The following EBF1 variants were observed in gnomAD, a reference collection of about 807,000 sequenced individuals.
EBF1 encodes EBF transcription factor 1.
EBF1 carries 10 observed loss-of-function variants against 68.4 expected under a neutral mutation model. That is an observed-to-expected ratio of 0.15 (90% CI 0.09 to 0.25). The LOEUF is 0.25. EBF1 is among the 10% of genes least tolerant of loss of function. The probability of loss-of-function intolerance (pLI) is 1.00; values close to 1 mark genes in which losing one functional copy is unlikely to be tolerated. For synonymous variants in EBF1, 298 were observed against 299.8 expected, an observed-to-expected ratio of 0.99 and a Z score of 0.06; for missense variants, 509 against 794.4, an observed-to-expected ratio of 0.64 and a Z score of 4.32.
intron 6 of EBF1, among the ~76,000 whole-genome samples, chr5:158,865,637 G>T (rs1795745612): frequency 6.6e-6 from 1 of 152,196 alleles, no homozygotes; most frequent in Non-Finnish European, 1.5e-5. Context: ...GTGCCGTGTT[G>T]TGTTGTGTTT....
rs61380054 is a variant in EBF1 at position 158,737,266 on chromosome 5, A to ATTTT, written c.1037-6113_1037-6110dup. 9.7e-3 allele frequency among the ~76,000 whole-genome samples: 540 copies of ATTTT among 55,656 alleles called. 63 individuals are homozygous for ATTTT. The highest frequency in any genetic ancestry group is 0.017 in the Middle Eastern group (1 of 60). 36.5% of individuals were successfully genotyped at this position (55,656 alleles called of 152,430 possible). ...CCAAACTGCCTTTGAACATGCCCTG[A>ATTTT]TTTTTTTTTTTTTTTTTTTTTTTTT... is the stretch of plus-strand genomic sequence containing the variant. On this transcript the variant is annotated intron_variant, in intron 10 of 15. Coordinates refer to ENST00000313708, the MANE Select transcript of EBF1 (RefSeq NM_024007.5).
intron 9 of EBF1, among the ~76,000 whole-genome samples, chr5:158,789,965 T>C (rs1245800779): frequency 6.6e-6 from 1 of 152,204 alleles, no homozygotes; most frequent in East Asian, 1.9e-4. Context: ...GGTTTTCCAA[T>C]TTTTTGATTT....
At chr5:158,929,695 T>C (rs1453576209) in intron 6 of EBF1, among the ~76,000 whole-genome samples, 1 of 151,766 alleles carries the variant, frequency 6.6e-6, no homozygotes, top group Non-Finnish European at 1.5e-5. Context: ...ACCTAATGCT[T>C]GTGTACAGAG....
rs879910285 is a variant in EBF1 at position 158,696,021 on chromosome 5, G to GTAGTT, written c.*3085_*3089dup. The GTAGTT allele has an allele frequency of 1.0e-5, 2 of 197,864 alleles. No individual in the cohort carries two copies. The highest frequency in any genetic ancestry group is 2.1e-5 in the Non-Finnish European group (2 of 95,960). 12.3% of individuals were successfully genotyped at this position (197,864 alleles called of 1,614,324 possible). A position where few individuals can be genotyped will look rare whatever the true frequency, so the allele number is the denominator to read the frequency against. On this transcript the variant is annotated 3_prime_UTR_variant, in exon 16 of 16. Transcript: ENST00000313708. Reference sequence around the variant, plus strand: ...AAAAAAAAATTTAACAATCTCTACAGTAGTTAGGTTCTCTAACAATTGAAC... The same window carrying GTAGTT: ...AAAAAAAAATTTAACAATCTCTACAGTAGTTTAGTTAGGTTCTCTAACAATTGAAC...
intron 6 of EBF1, among the ~76,000 whole-genome samples, chr5:158,853,235 T>C (rs904051765): frequency 6.6e-6 from 1 of 152,198 alleles, no homozygotes; most frequent in Non-Finnish European, 1.5e-5. Context: ...CAGCATAAAC[T>C]CATTCCACAC....
At chr5:159,018,364 A>G (rs1766015480) in intron 6 of EBF1, among the ~76,000 whole-genome samples, 1 of 152,246 alleles carries the variant, frequency 6.6e-6, no homozygotes, top group African/African-American at 2.4e-5. Flanking sequence ...AATCTTTGCA[A>G]ATCCCTGAAA....
In EBF1 at chr5:158,695,970, T is replaced by C. The variant is rs1248640132; in HGVS notation, c.*3141A>G. 1.1e-5 allele frequency: 2 copies of C among 189,334 alleles called. No individual in the cohort carries two copies. Among genetic ancestry groups the C allele is most frequent in the African/African-American group, 4.8e-5 (2 of 41,746 alleles). The allele number at this position is 189,334 out of a possible 1,614,324, so 11.7% of individuals were successfully genotyped here. On this transcript the variant is annotated 3_prime_UTR_variant, in exon 16 of 16. Transcript: ENST00000313708. Reference sequence around the variant, plus strand: ...AAATATTGTGAAAGTTGAAAAGTTTTTACAGCTTGAATTTTTGCAAAAAAA... The same window carrying C: ...AAATATTGTGAAAGTTGAAAAGTTTCTACAGCTTGAATTTTTGCAAAAAAA...
intron 6 of EBF1, among the ~76,000 whole-genome samples, chr5:158,903,002 C>T (rs1041853274): frequency 3.3e-5 from 5 of 152,136 alleles, no homozygotes; most frequent in Non-Finnish European, 5.9e-5. Flanking sequence ...AAAGATTTTC[C>T]TTAAAGTAGA....
rs561590358 is a variant in EBF1, at chr5:158,917,701, T to C, written c.555-77591A>G. Among the ~76,000 whole-genome samples, 11 of 152,316 alleles carry C rather than the reference T, an allele frequency of 7.2e-5. No individual in the cohort carries two copies. The South Asian group carries it at 2.1e-3, about 29-fold the overall frequency. On this transcript the variant is annotated intron_variant, in intron 6 of 15. Transcript: ENST00000313708. The stretch of plus-strand genomic sequence containing the variant: ...AGACTTCTTCTATTATAAAGACAAA[T>C]ATGGAGTAAATATTCCAGGTGGTAC...
chr5:159,056,048 T>A (rs554266082), intron 6 of EBF1, among the ~76,000 whole-genome samples: 2 of 150,828 alleles, frequency 1.3e-5, no homozygotes, highest in Non-Finnish European at 2.9e-5. Flanking sequence ...CATGAAACCA[T>A]TTTTTAATAG....
intron 6 of EBF1, among the ~76,000 whole-genome samples, chr5:158,884,462 T>C (rs1187975220): frequency 1.3e-5 from 2 of 152,192 alleles, no homozygotes; most frequent in Non-Finnish European, 2.9e-5. Flanking sequence ...AGCATCTATT[T>C]AGCACTAATT....
At position 159,052,890 on chromosome 5, in the gene EBF1, A is replaced by G. The variant is rs183126812; in HGVS notation, c.554+20506T>C. 1.8e-3 allele frequency among the ~76,000 whole-genome samples: 280 copies of G among 152,236 alleles called. 1 individual carries two copies. The highest frequency in any genetic ancestry group is 6.3e-3 in the African/African-American group (260 of 41,546). On this transcript the variant is annotated intron_variant, in intron 6 of 15. Coordinates refer to ENST00000313708, the MANE Select transcript of EBF1 (RefSeq NM_024007.5). ...TTGTGGTTGTAATTTAAATGAGACA[A>G]CCAACTGCACAGCTGTCTCGGTCAA... is the stretch of plus-strand genomic sequence containing the variant.
At chr5:159,033,335 A>C (rs1247829208) in intron 6 of EBF1, among the ~76,000 whole-genome samples, 2 of 152,254 alleles carry the variant, frequency 1.3e-5, no homozygotes, top group Non-Finnish European at 2.9e-5. Flanking sequence ...TAAATGATCA[A>C]CAAACATAGT....
At chr5:158,795,762 A>G (rs1779510107) in intron 9 of EBF1, among the ~76,000 whole-genome samples, 1 of 152,166 alleles carries the variant, frequency 6.6e-6, no homozygotes, top group Non-Finnish European at 1.5e-5. Context: ...ATTAGAACAT[A>G]GTCATTTTCA....
At chr5:158,783,327 A>G (rs1467059204) in intron 9 of EBF1, among the ~76,000 whole-genome samples, 3 of 152,206 alleles carry the variant, frequency 2.0e-5, no homozygotes, top group Non-Finnish European at 2.9e-5. Context: ...ACATGTGATT[A>G]TATAAGAATT....
chr5:158,948,383 A>G (rs1219400255), intron 6 of EBF1, among the ~76,000 whole-genome samples: 1 of 152,212 alleles, frequency 6.6e-6, no homozygotes, highest in African/African-American at 2.4e-5. Context: ...TGTTTAAAAA[A>G]AAAAACCACT....
At chr5:158,741,575 TA>T (rs79547768) in intron 10 of EBF1, among the ~76,000 whole-genome samples, 2,931 of 129,036 alleles carry the variant, frequency 0.023, 29 homozygotes, top group Non-Finnish European at 0.034. Context: ...ACCCTGTCTT[TA>T]AAAAAAAAAA....
chr5:158,756,641 C>T (rs11955895), intron 10 of EBF1, among the ~76,000 whole-genome samples: 2,276 of 151,746 alleles, frequency 0.015, 60 homozygotes, highest in African/African-American at 0.052. Context: ...GCTTGTGGTG[C>T]CTAACATGCA....
chr5:158,764,724 C>T (rs1380200961), intron 10 of EBF1, among the ~76,000 whole-genome samples: 1 of 152,134 alleles, frequency 6.6e-6, no homozygotes, highest in Admixed American at 6.5e-5. Context: ...CCCAGTCTAA[C>T]TAGTGAATTA....
Sources: gnomAD v4.1 joint callset for allele counts (sites outside exome capture counted in the v4.1 genomes callset) on GRCh38, gnomAD v4.1.1 for gene constraint, MANE v1.5 for transcripts, NCBI Gene and HGNC (gene_info 2026-07-23, HGNC 2026-07-21) for gene names.